Variants in PCDHA2 observed in about 807,000 individuals in gnomAD.
PCDHA2 encodes the protein protocadherin alpha-2.
A neutral mutation model predicts 66.0 loss-of-function variants in PCDHA2; 58 were observed. The ratio of observed to expected loss-of-function variants is 0.88; its 90% CI spans 0.71 to 1.09. PCDHA2 has a LOEUF of 1.09. Among genes scored for constraint, PCDHA2 ranks in the 50% least tolerant of loss-of-function variants. The probability of loss-of-function intolerance (pLI) is 0.00; values close to 1 mark genes in which losing one functional copy is unlikely to be tolerated. For synonymous variants in PCDHA2, 634 were observed against 554.0 expected, an observed-to-expected ratio of 1.14 and a Z score of -2.03; for missense variants, 1,267 against 1,242.3, an observed-to-expected ratio of 1.02 and a Z score of -0.30.
chr5:140,942,448 A>C (rs140426253), intron 1 of PCDHA2, among the ~76,000 whole-genome samples: 3,563 of 152,146 alleles, frequency 0.023, 50 homozygotes, highest in Middle Eastern at 0.034. Flanking sequence ...CAAGTAAACT[A>C]TCAATTATAA....
In PCDHA2 at chr5:140,834,484, C is replaced by T. The variant is rs2150219400; in HGVS notation, c.2388+37132C>T. 6.2e-6 allele frequency: 10 copies of T among 1,614,154 alleles called. No homozygotes were observed. The Admixed American group carries it at 8.3e-5, about 13-fold the overall frequency. On this transcript the variant is annotated intron_variant, in intron 1 of 3. Transcript: ENST00000526136. Reference sequence around the variant, plus strand: ...GCAGGGAGAGGCCAGCTCCACTACTCGGTCCCCGAGGAGGCTAAACATGGC... The same window carrying T: ...GCAGGGAGAGGCCAGCTCCACTACTTGGTCCCCGAGGAGGCTAAACATGGC...
intron 3 of PCDHA2, among the ~76,000 whole-genome samples, chr5:141,008,339 C>T (rs782805145): frequency 1.1e-4 from 16 of 152,176 alleles, no homozygotes; most frequent in Non-Finnish European, 1.5e-4. Context: ...TTTGATGGAG[C>T]TTTTCACGTG....
chr5:140,946,634 A>ATATAT (rs1554217761), intron 1 of PCDHA2, among the ~76,000 whole-genome samples: 3 of 147,374 alleles, frequency 2.0e-5, no homozygotes, highest in Admixed American at 6.8e-5. Context: ...ATATATATAC[A>ATATAT]ATGGAATACT....
At chr5:140,946,629 T>TATATATATATATAC (rs1367833800) in intron 1 of PCDHA2, among the ~76,000 whole-genome samples, 1 of 123,274 alleles carries the variant, frequency 8.1e-6, no homozygotes, top group Admixed American at 8.1e-5. Flanking sequence ...TATATATATA[T>TATATATATATATAC]ATACAATGGA....
At chr5:140,944,188 T>A (rs184996) in intron 1 of PCDHA2, among the ~76,000 whole-genome samples, 85,693 of 151,800 alleles carry the variant, frequency 0.56, 24,784 homozygotes, top group African/African-American at 0.69. Context: ...GTTGGTTTGT[T>A]TTGTTTTGTT....
chr5:140,876,118 G>T, intron 1 of PCDHA2: 1 of 1,613,926 alleles, frequency 6.2e-7, no homozygotes, highest in South Asian at 1.1e-5. Context: ...GATGGTAATC[G>T]ATGGCGGTAA....
intron 1 of PCDHA2, among the ~76,000 whole-genome samples, chr5:140,885,620 G>A (rs1480920354): frequency 1.3e-5 from 2 of 152,120 alleles, no homozygotes; most frequent in Non-Finnish European, 2.9e-5. Context: ...TATAAAATAT[G>A]TCACTGGATT....
At position 140,795,704 on chromosome 5, in the gene PCDHA2, A is replaced by C; in HGVS notation, c.740A>C (p.Tyr247Ser). The C allele has an allele frequency of 5.0e-6, 8 of 1,614,172 alleles. No homozygotes were observed. Among genetic ancestry groups the C allele is most frequent in the Non-Finnish European group, 6.8e-6 (8 of 1,180,016 alleles). Residue 247 changes from tyrosine (Y) to serine (S), a missense_variant, in exon 1 of 4, where the codon TAC (tyrosine) becomes TCC (serine). Physicochemically the swap from Tyr to Ser is moderately radical, Grantham distance 144 (BLOSUM62 -2). Transcript: ENST00000526136. ...GAACCAACTTTTGCCCAATCAGTTT[A>C]CAAAGTAAAATTGTTAGAGAATACG... ...DNEPTFAQSV[Y>S]KVKLLENTAN... is the part of the protein sequence containing the mutation.
At chr5:140,839,365 G>C (rs2150296771) in intron 1 of PCDHA2, among the ~76,000 whole-genome samples, 4 of 116,060 alleles carry the variant, frequency 3.4e-5, no homozygotes, top group East Asian at 2.4e-4. Flanking sequence ...CACCTAAGCT[G>C]TATTCATCAA....
chr5:141,010,815 TC>T lies in PCDHA2; in HGVS notation c.*879del, dbSNP rs1159286994. 1.3e-5 allele frequency: 2 copies of T among 153,744 alleles called. No homozygotes were observed. Among genetic ancestry groups the T allele is most frequent in the Admixed American group, 6.5e-5 (1 of 15,280 alleles). 9.5% of individuals were successfully genotyped at this position (153,744 alleles called of 1,614,324 possible). On this transcript the variant is annotated 3_prime_UTR_variant, in exon 4 of 4. Coordinates refer to ENST00000526136, the MANE Select transcript of PCDHA2 (RefSeq NM_018905.3). ...AAAGAAAACCCCGACACCTCACCTT[TC>T]GCTGTTTGTTGTTTCATAGATTTAT...
intron 1 of PCDHA2, chr5:140,969,102 T>C: frequency 1.2e-6 from 2 of 1,614,114 alleles, no homozygotes; most frequent in African/African-American, 1.3e-5. Flanking sequence ...CCTCACTTCA[T>C]TGAAGTTCGA....
intron 3 of PCDHA2, among the ~76,000 whole-genome samples, chr5:140,998,686 T>G (rs1245765431): frequency 6.6e-6 from 1 of 152,118 alleles, no homozygotes; most frequent in Non-Finnish European, 1.5e-5. Context: ...TGCCTCAGCC[T>G]CCCAAGTAGC....
chr5:140,803,622 T>A (rs1003396292), intron 1 of PCDHA2: 1 of 1,613,896 alleles, frequency 6.2e-7, no homozygotes, highest in Admixed American at 1.7e-5. Flanking sequence ...CTTTCCAAAA[T>A]GTCTTTGTTT....
chr5:140,850,456 A>T lies in PCDHA2; in HGVS notation c.2388+53104A>T, dbSNP rs2150485002. 3 of 1,597,744 alleles carry T rather than the reference A, an allele frequency of 1.9e-6. No homozygotes were observed. In the Admixed American group the frequency reaches 5.1e-5, roughly 27 times the overall value. ...CGCCTACTGGTGCTGGTGAAAGACC[A>T]CGGGGAGCCAGCGCTGACGGCCACG... On this transcript the variant is annotated intron_variant, in intron 1 of 3. Coordinates refer to ENST00000526136, the MANE Select transcript of PCDHA2 (RefSeq NM_018905.3).
In PCDHA2 at chr5:140,795,602, T is replaced by A. The variant is rs1761973862; in HGVS notation, c.638T>A (p.Val213Glu). 1 of 1,614,026 alleles carries A rather than the reference T, an allele frequency of 6.2e-7. No individual in the cohort carries two copies. Among genetic ancestry groups the A allele is most frequent in the African/African-American group, 1.3e-5 (1 of 74,914 alleles). The change falls in exon 1 of 4, where the codon GTG (valine) becomes GAG (glutamate). Residue 213 changes from valine to glutamate, a missense_variant. Transcript: ENST00000526136. ...ACTGCTGAGGTTAATTTGTTACTGGTGGCTACTGATGGGGGCAAACCTGAG... is the reference window on the plus strand; with the variant it reads ...ACTGCTGAGGTTAATTTGTTACTGGAGGCTACTGATGGGGGCAAACCTGAG... ...EETAEVNLLL[V>E]ATDGGKPELT...
intron 3 of PCDHA2, among the ~76,000 whole-genome samples, chr5:140,984,667 T>A (rs1554246463): frequency 6.6e-6 from 1 of 152,160 alleles, no homozygotes; most frequent in Non-Finnish European, 1.5e-5. Flanking sequence ...TACTTTTAGG[T>A]TTTTAGGACT....
intron 1 of PCDHA2, among the ~76,000 whole-genome samples, chr5:140,919,430 T>C (rs935963449): frequency 1.3e-5 from 2 of 152,196 alleles, no homozygotes; most frequent in Non-Finnish European, 2.9e-5. Flanking sequence ...TGCCTTTTGA[T>C]TGGGTTCTTT....
At chr5:140,858,637 A>G in intron 1 of PCDHA2, 1 of 969,728 alleles carries the variant, frequency 1.0e-6, no homozygotes, top group Non-Finnish European at 1.5e-6. Context: ...TCAGCCTTTG[A>G]TTGGTACTTA....
chr5:140,999,406 G>C (rs1459713118), intron 3 of PCDHA2, among the ~76,000 whole-genome samples: 1 of 152,166 alleles, frequency 6.6e-6, no homozygotes, highest in Non-Finnish European at 1.5e-5. Context: ...GCATATGAAA[G>C]AATGGGAGCT....
Sources: gnomAD v4.1 joint callset for allele counts (sites outside exome capture counted in the v4.1 genomes callset) on GRCh38, gnomAD v4.1.1 for gene constraint, MANE v1.5 for transcripts, NCBI Gene and HGNC (gene_info 2026-07-23, HGNC 2026-07-21) for gene names.